Variants in SOAT1 observed in about 807,000 individuals in gnomAD.
SOAT1 encodes the protein sterol O-acyltransferase 1.
In SOAT1, 55 loss-of-function variants were observed where a neutral mutation model predicts 69.5. That is an observed-to-expected ratio of 0.79 (90% CI 0.64 to 0.99). The LOEUF (loss-of-function observed/expected upper bound fraction) is 0.99. Ranked by LOEUF, SOAT1 falls within the 50% of genes least tolerant of loss-of-function variation. SOAT1 has a pLI of 0.00. For synonymous variants in SOAT1, 231 were observed against 224.7 expected (o/e 1.03, Z -0.25); for missense variants, 580 against 669.3 (o/e 0.87, Z 1.47).
intron 2 of SOAT1, among the ~76,000 whole-genome samples, chr1:179,316,417 A>G (rs938278943): frequency 2.6e-5 from 4 of 151,628 alleles, no homozygotes; most frequent in African/African-American, 9.7e-5. Flanking sequence ...TTCTTTTGAG[A>G]TGGAGTTTCA....
rs375977934 is a variant in SOAT1, at chr1:179,297,761, G to A, written c.-9+3825G>A. Reference sequence around the variant, plus strand: ...AAAAAAAAAAAAAATGCCGGGCGCGGTGGCTCACACCTGTAATCCCAGCAC... The same window carrying A: ...AAAAAAAAAAAAAATGCCGGGCGCGATGGCTCACACCTGTAATCCCAGCAC... On this transcript the variant is annotated intron_variant, in intron 1 of 15. Coordinates refer to ENST00000367619, the MANE Select transcript of SOAT1 (RefSeq NM_003101.6). Among the ~76,000 whole-genome samples, 81 of 151,394 alleles carry A rather than the reference G, an allele frequency of 5.4e-4. 1 individual carries two copies. The East Asian group carries it at 0.016, about 30-fold the overall frequency.
intron 3 of SOAT1, 149 bp downstream of exon 3, chr1:179,323,644 G>T (rs193144025): frequency 1.2e-4 from 83 of 683,030 alleles, no homozygotes; most frequent in South Asian, 2.7e-4. Context: ...AAGATCTGCT[G>T]ACTTGTCATC....
At chr1:179,315,010 T>C (rs1057449591) in intron 2 of SOAT1, among the ~76,000 whole-genome samples, 1 of 152,150 alleles carries the variant, frequency 6.6e-6, no homozygotes, top group African/African-American at 2.4e-5. Flanking sequence ...TGACTCCTAG[T>C]GTTAGCAGTT....
Position 179,315,296 on chromosome 1 carries a change from T to A in SOAT1, c.119-8141T>A, listed in dbSNP as rs890589418. 9.2e-5 allele frequency among the ~76,000 whole-genome samples: 14 copies of A among 152,110 alleles called. No homozygotes were observed. In the East Asian group the frequency reaches 2.5e-3, roughly 27 times the overall value. On this transcript the variant is annotated intron_variant, in intron 2 of 15. Transcript: ENST00000367619. Reference sequence around the variant, plus strand: ...TCTGCCTTTACAAAAAAATTTTTTTTAATTAGGTGGGTGTGGTGGCATGTG... The same window carrying A: ...TCTGCCTTTACAAAAAAATTTTTTTAAATTAGGTGGGTGTGGTGGCATGTG...
At chr1:179,318,241 G>A (rs72715533) in intron 2 of SOAT1, among the ~76,000 whole-genome samples, 3,417 of 146,696 alleles carry the variant, frequency 0.023, 68 homozygotes, top group Middle Eastern at 0.051. Flanking sequence ...AAAGGGCAGA[G>A]ATCAATTAAT....
chr1:179,350,296 T>C lies in SOAT1; in HGVS notation c.1315T>C (p.Phe439Leu), dbSNP rs1490834779. 1.2e-6 allele frequency: 2 copies of C among 1,610,872 alleles called. No individual in the cohort carries two copies. Among genetic ancestry groups the C allele is most frequent in the East Asian group, 4.5e-5 (2 of 44,846 alleles). The change falls in exon 14 of 16, where the codon TTT (phenylalanine) becomes CTT (leucine). Residue 439 changes from phenylalanine to leucine, a missense_variant and splice_region_variant. Phe to Leu is a conservative substitution (Grantham distance 22). Transcript: ENST00000367619. ...TTGTAGTGTTTTCCTTTTTCTTTAGTTTTTCTCCAAGAGATTCAAATCTGC... is the reference window on the plus strand; with the variant it reads ...TTGTAGTGTTTTCCTTTTTCTTTAGCTTTTCTCCAAGAGATTCAAATCTGC... Reference protein sequence around the residue: ...YYYAYKDFLWFFSKRFKSAAM... With the variant: ...YYYAYKDFLWLFSKRFKSAAM...
intron 3 of SOAT1, 71 bp from the exon 4 acceptor site, chr1:179,335,422 GTTTAAGGGAGCCC>G: frequency 8.1e-7 from 1 of 1,229,106 alleles, no homozygotes; most frequent in South Asian, 1.5e-5. Context: ...ATCCAGCTCT[GTTTAAGGGAGCCC>G]TTTAGAGAAA....
intron 1 of SOAT1, among the ~76,000 whole-genome samples, chr1:179,300,866 C>T (rs558342083): frequency 3.1e-4 from 47 of 152,082 alleles, no homozygotes; most frequent in Non-Finnish European, 5.9e-4. Context: ...GAGGCTGAGG[C>T]GGGCGGATAA....
chr1:179,352,914 A>G (rs556041883), intron 15 of SOAT1, among the ~76,000 whole-genome samples: 1 of 151,542 alleles, frequency 6.6e-6, no homozygotes, highest in African/African-American at 2.4e-5. Context: ...TTATTCTCCT[A>G]TCAAAATCCA....
intron 10 of SOAT1, among the ~76,000 whole-genome samples, chr1:179,343,871 C>G (rs948678741): frequency 2.0e-5 from 3 of 152,212 alleles, no homozygotes; most frequent in Non-Finnish European, 4.4e-5. Flanking sequence ...GCCTGTAATC[C>G]CAGCACTTTG....
chr1:179,333,777 G>A (rs1666051491), intron 3 of SOAT1, among the ~76,000 whole-genome samples: 1 of 140,054 alleles, frequency 7.1e-6, no homozygotes. Flanking sequence ...AGGTTGCGGT[G>A]AGCTAGTATC....
chr1:179,303,882 T>C (rs1189233384), intron 2 of SOAT1, among the ~76,000 whole-genome samples: 1 of 152,206 alleles, frequency 6.6e-6, no homozygotes, highest in Admixed American at 6.5e-5. Flanking sequence ...ACTTCATGCT[T>C]GTTTGTTCCT....
At chr1:179,304,806 G>A (rs2250352) in intron 2 of SOAT1, among the ~76,000 whole-genome samples, 41,931 of 151,618 alleles carry the variant, frequency 0.28, 6,169 homozygotes, top group African/African-American at 0.37. Flanking sequence ...GTGCTACCAC[G>A]CCTGGCTAAT....
chr1:179,345,021 G>A lies in SOAT1; in HGVS notation c.1062G>A (p.Gln354=), dbSNP rs761817200. Residue 354 remains glutamine (Q), a synonymous_variant, in exon 11 of 16, where the codon CAG becomes CAA. Coordinates refer to ENST00000367619, the MANE Select transcript of SOAT1 (RefSeq NM_003101.6). ...CCCCCTTGTTTCGGAATATCAAACA[G>A]GAGCCCTTCAGCGCTCGTGTTCTGG... ...LCAPLFRNIK[Q]EPFSARVLVL... is the part of the protein sequence containing the mutation. 6.2e-7 allele frequency: 1 copy of A among 1,613,844 alleles called. No homozygotes were observed. Among genetic ancestry groups the A allele is most frequent in the Non-Finnish European group, 8.5e-7 (1 of 1,179,774 alleles).
At chr1:179,333,702 G>A (rs1192838117) in intron 3 of SOAT1, among the ~76,000 whole-genome samples, 1 of 152,110 alleles carries the variant, frequency 6.6e-6, no homozygotes, top group Non-Finnish European at 1.5e-5. Context: ...GTGTGGTGGT[G>A]CATACCTATA....
At chr1:179,353,510 C>A in intron 15 of SOAT1, 75 bp from the exon 16 acceptor site, 1 of 1,271,268 alleles carries the variant, frequency 7.9e-7, no homozygotes, top group Non-Finnish European at 1.1e-6. Flanking sequence ...ATCATATTAA[C>A]ATCCCTGCCT....
chr1:179,323,527 G>A (rs759901130), intron 3 of SOAT1, 32 bp downstream of exon 3: 2 of 1,579,242 alleles, frequency 1.3e-6, no homozygotes, highest in South Asian at 1.1e-5. Flanking sequence ...AAACAAAAAT[G>A]TAGAGTTTTA....
Position 179,302,815 on chromosome 1 carries a change from T to C in SOAT1, c.118+13T>C. Reference sequence around the variant, plus strand: ...ACACCTAGTAATGGTGAGGCTTAATTTTTTTTTTTTAGGTGAATTAGTGAA... The same window carrying C: ...ACACCTAGTAATGGTGAGGCTTAATCTTTTTTTTTTAGGTGAATTAGTGAA... On this transcript the variant is annotated intron_variant, in intron 2 of 15. Coordinates refer to ENST00000367619, the MANE Select transcript of SOAT1 (RefSeq NM_003101.6). The C allele has an allele frequency of 7.1e-7, 1 of 1,405,458 alleles. No individual in the cohort carries two copies. The highest frequency in any genetic ancestry group is 9.6e-7 in the Non-Finnish European group (1 of 1,039,106). The allele number at this position is 1,405,458 out of a possible 1,614,324, so 87.1% of individuals were successfully genotyped here.
chr1:179,302,547 G>A (rs1484108393), intron 1 of SOAT1, 130 bp from the exon 2 acceptor site: 2 of 521,256 alleles, frequency 3.8e-6, no homozygotes, highest in Admixed American at 3.3e-5. Flanking sequence ...TAAGTTTCCT[G>A]AGGCCTTTCC....
Sources: gnomAD v4.1 joint callset for allele counts (sites outside exome capture counted in the v4.1 genomes callset) on GRCh38, gnomAD v4.1.1 for gene constraint, MANE v1.5 for transcripts, NCBI Gene and HGNC (gene_info 2026-07-23, HGNC 2026-07-21) for gene names.